The following PCCA variants were observed in gnomAD, a reference collection of about 807,000 sequenced individuals.
The protein encoded by PCCA is propionyl-CoA carboxylase subunit alpha.
PCCA carries 74 observed loss-of-function variants against 101.3 expected under a neutral mutation model. The ratio of observed to expected loss-of-function variants is 0.73; its 90% CI spans 0.61 to 0.89. The LOEUF (loss-of-function observed/expected upper bound fraction) is 0.89, where lower values mean the gene tolerates loss of function less well. Ranked by LOEUF, PCCA falls within the 40% of genes least tolerant of loss-of-function variation. PCCA has a pLI of 0.00. For synonymous variants in PCCA, 294 were observed against 313.6 expected, an observed-to-expected ratio of 0.94 and a Z score of 0.66; for missense variants, 891 against 907.0, an observed-to-expected ratio of 0.98 and a Z score of 0.23.
At chr13:100,342,712 A>C (rs2071565011) in intron 18 of PCCA, among the ~76,000 whole-genome samples, 1 of 70,172 alleles carries the variant, frequency 1.4e-5, no homozygotes, top group Non-Finnish European at 3.5e-5. Context: ...TTTTTGGTAA[A>C]CTTTTTTTTT....
chr13:100,383,467 G>A (rs962199798), intron 19 of PCCA, among the ~76,000 whole-genome samples: 6 of 151,878 alleles, frequency 4.0e-5, no homozygotes, highest in African/African-American at 7.2e-5. Flanking sequence ...ATGATTAGCC[G>A]GTCATGGTGA....
chr13:100,152,472 A>T (rs1379521607), intron 4 of PCCA, among the ~76,000 whole-genome samples: 1 of 151,490 alleles, frequency 6.6e-6, no homozygotes, highest in Non-Finnish European at 1.5e-5. Flanking sequence ...TTTGAGACAG[A>T]GTCTCACTCT....
intron 4 of PCCA, among the ~76,000 whole-genome samples, chr13:100,120,862 G>A (rs970277681): frequency 6.6e-6 from 1 of 152,084 alleles, no homozygotes; most frequent in African/African-American, 2.4e-5. Context: ...GATTTTGATT[G>A]ATATTGCATT....
intron 12 of PCCA, among the ~76,000 whole-genome samples, chr13:100,286,875 T>G (rs2064718896): frequency 1.3e-5 from 2 of 152,150 alleles, no homozygotes; most frequent in African/African-American, 4.8e-5. Flanking sequence ...TCTTCTTGTA[T>G]AGAAAGTTTT....
intron 19 of PCCA, among the ~76,000 whole-genome samples, chr13:100,408,153 A>G (rs1417328467): frequency 2.0e-5 from 3 of 152,216 alleles, no homozygotes; most frequent in African/African-American, 7.2e-5. Context: ...CTCCGTCTTA[A>G]ACAAACAAAC....
chr13:100,238,305 T>A (rs2060928578), intron 8 of PCCA, among the ~76,000 whole-genome samples: 1 of 152,184 alleles, frequency 6.6e-6, no homozygotes. Flanking sequence ...GGCCTCTGTC[T>A]AACTAGTTCT....
At chr13:100,358,326 G>C (rs533803094) in intron 18 of PCCA, among the ~76,000 whole-genome samples, 1 of 152,248 alleles carries the variant, frequency 6.6e-6, no homozygotes, top group South Asian at 2.1e-4. Flanking sequence ...CAGTTTACTT[G>C]GCATGCAATC....
intron 22 of PCCA, among the ~76,000 whole-genome samples, chr13:100,521,759 G>T (rs925592938): frequency 6.6e-6 from 1 of 152,134 alleles, no homozygotes; most frequent in Non-Finnish European, 1.5e-5. Context: ...TGTGTTCCAA[G>T]CAGACCAGCC....
At chr13:100,408,301 A>G (rs564988613) in intron 19 of PCCA, among the ~76,000 whole-genome samples, 32 of 152,382 alleles carry the variant, frequency 2.1e-4, no homozygotes, top group African/African-American at 7.2e-4. Context: ...CTTAAAACTC[A>G]AAAAGCAGCT....
In PCCA at chr13:100,458,444, C is replaced by T. The variant is rs1403913405; in HGVS notation, c.1899+9139C>T. On this transcript the variant is annotated intron_variant, in intron 21 of 23. Coordinates refer to ENST00000376285, the MANE Select transcript of PCCA (RefSeq NM_000282.4). ...GCGCGCACACACACACACACATACA[C>T]ACACACACACACACACACACACACA... Among the ~76,000 whole-genome samples, 11 of 16,890 alleles carry T rather than the reference C, an allele frequency of 6.5e-4. 1 individual carries two copies. The South Asian group carries it at 0.011, about 17-fold the overall frequency. 11.1% of individuals were successfully genotyped at this position (16,890 alleles called of 152,430 possible).
chr13:100,456,941 AAG>A lies in PCCA; in HGVS notation c.1899+7640_1899+7641del, dbSNP rs568386348. ...AGTGTTCCCTGACTCCTCCAAGGAA[AAG>A]AGACTCCGTTTCGCGGTCTGCTAAG... is the stretch of plus-strand genomic sequence containing the variant. On this transcript the variant is annotated intron_variant, in intron 21 of 23. Transcript: ENST00000376285. Among the ~76,000 whole-genome samples, 363 of 152,078 alleles carry A rather than the reference AAG, an allele frequency of 2.4e-3. 2 individuals carry two copies. Among genetic ancestry groups the A allele is most frequent in the African/African-American group, 7.9e-3 (327 of 41,430 alleles).
intron 20 of PCCA, among the ~76,000 whole-genome samples, chr13:100,444,536 G>A (rs181875111): frequency 6.8e-5 from 10 of 146,706 alleles, no homozygotes; most frequent in South Asian, 4.3e-4. Flanking sequence ...TCTGCCTCCC[G>A]GGTTCACGCC....
At chr13:100,290,415 G>A (rs1468877920) in intron 12 of PCCA, among the ~76,000 whole-genome samples, 2 of 151,978 alleles carry the variant, frequency 1.3e-5, no homozygotes, top group African/African-American at 4.8e-5. Flanking sequence ...ATCTCACTTT[G>A]TTGCCCAGCC....
chr13:100,251,781 G>T (rs145226472), intron 8 of PCCA, among the ~76,000 whole-genome samples: 6 of 152,138 alleles, frequency 3.9e-5, no homozygotes, highest in African/African-American at 7.2e-5. Flanking sequence ...CTTTTGATGC[G>T]ATGGAAGAAC....
intron 19 of PCCA, among the ~76,000 whole-genome samples, chr13:100,371,736 A>T (rs1461576392): frequency 1.3e-5 from 2 of 152,336 alleles, no homozygotes; most frequent in South Asian, 2.1e-4. Context: ...TAGTCAAAAC[A>T]ATCCTGAAAT....
intron 19 of PCCA, among the ~76,000 whole-genome samples, chr13:100,401,532 G>C (rs746433914): frequency 6.6e-6 from 1 of 152,034 alleles, no homozygotes; most frequent in Non-Finnish European, 1.5e-5. Context: ...GTGAGCCACC[G>C]TGCCCAGCCA....
At chr13:100,338,456 G>A (rs55788444) in intron 17 of PCCA, among the ~76,000 whole-genome samples, 2 of 152,022 alleles carry the variant, frequency 1.3e-5, no homozygotes, top group Non-Finnish European at 2.9e-5. Flanking sequence ...ATATATTTTA[G>A]TAGTACTATG....
At chr13:100,321,457 A>G (rs1483985266) in intron 16 of PCCA, among the ~76,000 whole-genome samples, 3 of 152,046 alleles carry the variant, frequency 2.0e-5, no homozygotes, top group Non-Finnish European at 4.4e-5. Context: ...TCTGCCTTCT[A>G]CTATGTTTCT....
Position 100,192,663 on chromosome 13 carries a change from C to T in PCCA, c.469-16669C>T, listed in dbSNP as rs147854289. 4.7e-3 allele frequency among the ~76,000 whole-genome samples: 711 copies of T among 152,258 alleles called. 2 individuals are homozygous for T. The highest frequency in any genetic ancestry group is 0.01 in the Middle Eastern group (3 of 294). Reference sequence around the variant, plus strand: ...CAGAGGTTGCAGTGAGCTGAGATCACGCCACTGCACTCCATAGAGCCAGAC... The same window carrying T: ...CAGAGGTTGCAGTGAGCTGAGATCATGCCACTGCACTCCATAGAGCCAGAC... On this transcript the variant is annotated intron_variant, in intron 6 of 23. Coordinates refer to ENST00000376285, the MANE Select transcript of PCCA (RefSeq NM_000282.4).
Sources: gnomAD v4.1 joint callset for allele counts (sites outside exome capture counted in the v4.1 genomes callset) on GRCh38, gnomAD v4.1.1 for gene constraint, MANE v1.5 for transcripts, NCBI Gene and HGNC (gene_info 2026-07-23, HGNC 2026-07-21) for gene names.